LRBA: variants seen among roughly 807,000 people sequenced by gnomAD.
LRBA encodes the protein LPS responsive beige-like anchor protein.
LRBA carries 176 observed loss-of-function variants against 330.0 expected under a neutral mutation model. The observed-to-expected ratio is 0.53, with a 90% CI of 0.47 to 0.60. The LOEUF is 0.60. Ranked by LOEUF, LRBA falls within the 20% of genes least tolerant of loss-of-function variation. The probability of loss-of-function intolerance (pLI) is 0.00; values close to 1 mark genes in which losing one functional copy is unlikely to be tolerated. For missense variants in LRBA, 3,259 were observed against 3,444.8 expected (o/e 0.95, Z 1.35); for synonymous variants, 1,230 against 1,193.0 (o/e 1.03, Z -0.64).
intron 31 of LRBA, among the ~76,000 whole-genome samples, chr4:150,810,111 G>A (rs1278464685): frequency 2.0e-5 from 3 of 152,068 alleles, no homozygotes; most frequent in Non-Finnish European, 4.4e-5. Context: ...AAAACAGCAA[G>A]GATCTGAGGC....
intron 29 of LRBA, among the ~76,000 whole-genome samples, chr4:150,829,198 A>T (rs572239427): frequency 6.6e-6 from 1 of 152,228 alleles, no homozygotes; most frequent in African/African-American, 2.4e-5. Context: ...GGCCTCCCAA[A>T]GTGCTAGGAT....
chr4:150,310,696 T>C (rs932573026), intron 51 of LRBA: 7 of 219,616 alleles, frequency 3.2e-5, no homozygotes, highest in Admixed American at 1.6e-4. Flanking sequence ...AATCTCCAGA[T>C]TGCATCACAG....
At chr4:150,429,013 G>A (rs62348577) in intron 46 of LRBA, among the ~76,000 whole-genome samples, 3,052 of 152,084 alleles carry the variant, frequency 0.02, 44 homozygotes, top group Non-Finnish European at 0.03. Flanking sequence ...TAGATTGTAG[G>A]GATAAACCAA....
chr4:150,731,123 T>G (rs1387231251), intron 36 of LRBA, among the ~76,000 whole-genome samples: 1 of 152,130 alleles, frequency 6.6e-6, no homozygotes, highest in African/African-American at 2.4e-5. Flanking sequence ...ATGGCTTGTA[T>G]CCAAAAGTCA....
chr4:150,515,813 T>G (rs1023902006), intron 40 of LRBA, among the ~76,000 whole-genome samples: 2 of 152,004 alleles, frequency 1.3e-5, no homozygotes, highest in African/African-American at 4.8e-5. Flanking sequence ...CATTCATAAT[T>G]GCAAGAAAAA....
rs1767998517 is a variant in LRBA at position 150,559,856 on chromosome 4, A to ATT, written c.6330+28191_6330+28192insAA. 1.2e-4 allele frequency among the ~76,000 whole-genome samples: 3 copies of ATT among 24,628 alleles called. No homozygotes were observed. The East Asian group carries it at 2.6e-3, about 21-fold the overall frequency. 16.2% of individuals were successfully genotyped at this position (24,628 alleles called of 152,430 possible). A position where few individuals can be genotyped will look rare whatever the true frequency, so the allele number is the denominator to read the frequency against. On this transcript the variant is annotated intron_variant, in intron 40 of 56. Coordinates refer to ENST00000651943, the MANE Select transcript of LRBA (RefSeq NM_001364905.1). The stretch of plus-strand genomic sequence containing the variant: ...AAATATAATATATATAATAATATAT[A>ATT]ATTATATATAATATATAATTATATA...
chr4:150,643,430 T>C (rs989150670), intron 37 of LRBA, among the ~76,000 whole-genome samples: 6 of 151,870 alleles, frequency 4.0e-5, no homozygotes, highest in East Asian at 1.9e-4. Flanking sequence ...AAGGCTGACA[T>C]AGGAAAGTAG....
intron 46 of LRBA, among the ~76,000 whole-genome samples, chr4:150,435,194 C>T (rs558169848): frequency 1.1e-4 from 17 of 151,462 alleles, no homozygotes; most frequent in African/African-American, 3.4e-4. Flanking sequence ...AAAAAAAATA[C>T]AAAAAAACTA....
At chr4:150,782,125 T>C (rs1477206147) in intron 34 of LRBA, among the ~76,000 whole-genome samples, 1 of 152,158 alleles carries the variant, frequency 6.6e-6, no homozygotes, top group Non-Finnish European at 1.5e-5. Context: ...CAGGCTGGTC[T>C]CAAACTCCTG....
chr4:150,621,279 A>C (rs1445547860), intron 37 of LRBA, among the ~76,000 whole-genome samples: 1 of 152,166 alleles, frequency 6.6e-6, no homozygotes, highest in Non-Finnish European at 1.5e-5. Flanking sequence ...CTTATCATTT[A>C]AGCTAATTTT....
rs1320366310 is a variant in LRBA, at chr4:150,487,730, AC to A, written c.6551+1del. Reference sequence around the variant, plus strand: ...CCCTAAGTTTCTCATATAAAACAGTACCTGGTTTGAGGCAATCCAAAACTTG... The same window carrying A: ...CCCTAAGTTTCTCATATAAAACAGTACTGGTTTGAGGCAATCCAAAACTTG... On this transcript the variant is annotated splice_donor_variant, in intron 42 of 56. Coordinates refer to ENST00000651943, the MANE Select transcript of LRBA (RefSeq NM_001364905.1). LOFTEE classifies it high-confidence loss of function. 4.4e-6 allele frequency: 7 copies of A among 1,576,690 alleles called. No homozygotes were observed. The highest frequency in any genetic ancestry group is 5.2e-6 in the Non-Finnish European group (6 of 1,151,194).
chr4:150,590,236 C>A (rs1054454015), intron 39 of LRBA, among the ~76,000 whole-genome samples: 1 of 151,792 alleles, frequency 6.6e-6, no homozygotes, highest in East Asian at 1.9e-4. Context: ...AGGCAAAATA[C>A]GTGAATGTTG....
At chr4:150,305,435 A>G (rs150259900) in intron 52 of LRBA, among the ~76,000 whole-genome samples, 1,644 of 152,314 alleles carry the variant, frequency 0.011, 26 homozygotes, top group African/African-American at 0.038. Context: ...GTTTTCATTC[A>G]ACAAATACTT....
intron 35 of LRBA, among the ~76,000 whole-genome samples, chr4:150,749,835 CTGAAT>C (rs1733301918): frequency 6.6e-6 from 1 of 152,020 alleles, no homozygotes; most frequent in East Asian, 1.9e-4. Context: ...TCTGCTCTTA[CTGAAT>C]ATGGTTTAAT....
chr4:150,665,275 G>C (rs1300265025), intron 37 of LRBA, among the ~76,000 whole-genome samples: 1 of 152,142 alleles, frequency 6.6e-6, no homozygotes, highest in Non-Finnish European at 1.5e-5. Context: ...TGTAATTCTA[G>C]ACTCCCAGAA....
chr4:150,870,958 GGTCTGGTCA>G (rs1472272510), intron 19 of LRBA, among the ~76,000 whole-genome samples: 5 of 152,162 alleles, frequency 3.3e-5, no homozygotes, highest in African/African-American at 1.2e-4. Flanking sequence ...AAACTTAAAT[GGTCTGGTCA>G]GCATGGTGGC....
At chr4:150,770,248 G>A (rs1213204984) in intron 34 of LRBA, among the ~76,000 whole-genome samples, 1 of 152,128 alleles carries the variant, frequency 6.6e-6, no homozygotes, top group Admixed American at 6.5e-5. Context: ...GGGCCTTTAA[G>A]TTTTAGACAG....
chr4:150,914,400 A>G (rs1732345939), intron 8 of LRBA, 59 bp from the exon 9 acceptor site: 1 of 1,198,874 alleles, frequency 8.3e-7, no homozygotes, highest in Admixed American at 2.5e-5. Context: ...CAGAAATAAT[A>G]AAAACCTATA....
At chr4:150,392,504 G>C (rs1055998241) in intron 47 of LRBA, among the ~76,000 whole-genome samples, 4 of 152,076 alleles carry the variant, frequency 2.6e-5, no homozygotes, top group Non-Finnish European at 5.9e-5. Flanking sequence ...ATTTCTTAAA[G>C]GCCCCATCTC....
Sources: gnomAD v4.1 joint callset for allele counts (sites outside exome capture counted in the v4.1 genomes callset) on GRCh38, gnomAD v4.1.1 for gene constraint, MANE v1.5 for transcripts, NCBI Gene and HGNC (gene_info 2026-07-23, HGNC 2026-07-21) for gene names.